ANKS1B: variants seen among roughly 807,000 people sequenced by gnomAD.
ANKS1B encodes the protein ankyrin repeat and sterile alpha motif domain-containing protein 1B.
A neutral mutation model predicts 148.3 loss-of-function variants in ANKS1B; 36 were observed. The ratio of observed to expected loss-of-function variants is 0.24; its 90% CI spans 0.19 to 0.32. The LOEUF (loss-of-function observed/expected upper bound fraction) is 0.32. ANKS1B is among the 10% of genes least tolerant of loss of function. ANKS1B has a pLI of 1.00. For missense variants in ANKS1B, 1,157 were observed against 1,542.6 expected (o/e 0.75, Z 4.19); for synonymous variants, 542 against 560.8 (o/e 0.97, Z 0.47).
At chr12:99,022,859 T>C (rs2153442312) in intron 17 of ANKS1B, among the ~76,000 whole-genome samples, 1 of 152,212 alleles carries the variant, frequency 6.6e-6, no homozygotes, top group Admixed American at 6.6e-5. Context: ...AAGTAGGTTT[T>C]TCATACATAA....
chr12:98,772,549 C>T (rs1256461407), intron 25 of ANKS1B, among the ~76,000 whole-genome samples: 1 of 152,146 alleles, frequency 6.6e-6, no homozygotes, highest in African/African-American at 2.4e-5. Flanking sequence ...TGGCGGCAGG[C>T]AAGAGAGAGC....
chr12:98,965,517 A>G (rs1052934041), intron 17 of ANKS1B, among the ~76,000 whole-genome samples: 2 of 152,134 alleles, frequency 1.3e-5, no homozygotes, highest in Non-Finnish European at 2.9e-5. Flanking sequence ...ATGCTTTTTA[A>G]TCTAGTCTGA....
At chr12:99,491,915 T>C (rs1238753714) in intron 10 of ANKS1B, among the ~76,000 whole-genome samples, 1 of 152,078 alleles carries the variant, frequency 6.6e-6, no homozygotes, top group African/African-American at 2.4e-5. Flanking sequence ...AAGGCAGTGT[T>C]AAGAGGGAAA....
intron 14 of ANKS1B, among the ~76,000 whole-genome samples, chr12:99,188,258 A>G (rs2153875802): frequency 6.6e-6 from 1 of 152,276 alleles, no homozygotes; most frequent in East Asian, 1.9e-4. Flanking sequence ...AGACTTTAAC[A>G]CCCCACTGTC....
intron 17 of ANKS1B, among the ~76,000 whole-genome samples, chr12:98,834,919 T>C (rs7310604): frequency 0.32 from 48,067 of 151,924 alleles, 8,479 homozygotes; most frequent in Non-Finnish European, 0.39. Flanking sequence ...TATTTTCTAA[T>C]TCTCTTTTAT....
intron 17 of ANKS1B, among the ~76,000 whole-genome samples, chr12:98,971,679 A>G (rs964558421): frequency 2.0e-5 from 3 of 152,114 alleles, no homozygotes; most frequent in African/African-American, 7.2e-5. Flanking sequence ...ATCTGCTTTT[A>G]AATATAGAGG....
At chr12:99,703,344 C>T (rs1011032821) in intron 8 of ANKS1B, among the ~76,000 whole-genome samples, 8 of 152,042 alleles carry the variant, frequency 5.3e-5, no homozygotes, top group Non-Finnish European at 1.0e-4. Context: ...GTAAATGAAA[C>T]ATCATGTCTA....
chr12:99,515,734 T>A (rs183896464), intron 9 of ANKS1B, among the ~76,000 whole-genome samples: 2 of 152,222 alleles, frequency 1.3e-5, no homozygotes, highest in East Asian at 3.9e-4. Context: ...GCTCCCTTTT[T>A]AGTTTTTTGA....
intron 17 of ANKS1B, among the ~76,000 whole-genome samples, chr12:98,842,285 A>G (rs769781958): frequency 6.6e-6 from 1 of 152,200 alleles, no homozygotes; most frequent in Non-Finnish European, 1.5e-5. Context: ...GCATCAACAG[A>G]CCTCAAAAAC....
intron 9 of ANKS1B, among the ~76,000 whole-genome samples, chr12:99,529,319 A>T (rs931165123): frequency 6.6e-6 from 1 of 152,168 alleles, no homozygotes; most frequent in Non-Finnish European, 1.5e-5. Flanking sequence ...TGAACCATTT[A>T]TCTTTCTCTT....
Position 99,523,237 on chromosome 12 carries a change from G to A in ANKS1B, c.1273-18596C>T, listed in dbSNP as rs151261446. 2.5e-3 allele frequency among the ~76,000 whole-genome samples: 379 copies of A among 152,234 alleles called. 5 individuals are homozygous for A. The highest frequency in any genetic ancestry group is 2.7e-3 in the Non-Finnish European group (183 of 68,010). On this transcript the variant is annotated intron_variant, in intron 9 of 26. Coordinates refer to ENST00000683438, the MANE Select transcript of ANKS1B (RefSeq NM_001352186.2). ...AGGAGAGGCAAAGACCAAATGGACC[G>A]TTTTCTGTGAACATAAGTGAGGAAA... is the stretch of plus-strand genomic sequence containing the variant.
intron 15 of ANKS1B, among the ~76,000 whole-genome samples, chr12:99,088,136 G>A (rs1283946950): frequency 6.6e-6 from 1 of 152,148 alleles, no homozygotes; most frequent in East Asian, 1.9e-4. Context: ...CACTAATTGG[G>A]AAATGGAAAG....
intron 15 of ANKS1B, chr12:99,096,980 C>T (rs2056394105): frequency 1.3e-5 from 2 of 152,160 alleles, no homozygotes; most frequent in Admixed American, 6.5e-5. Context: ...TTTCTTTCTA[C>T]TTGGTATTAT....
chr12:99,250,364 A>C (rs2074423375), intron 12 of ANKS1B, among the ~76,000 whole-genome samples: 1 of 152,206 alleles, frequency 6.6e-6, no homozygotes, highest in Middle Eastern at 3.2e-3. Context: ...TATCTCTAGG[A>C]ATTAGCTAGC....
intron 9 of ANKS1B, among the ~76,000 whole-genome samples, chr12:98,736,090 C>T (rs1263843358): frequency 1.3e-5 from 2 of 152,112 alleles, no homozygotes; most frequent in African/African-American, 4.8e-5. Flanking sequence ...ATTGGGGTAG[C>T]ACCGGAGGCT....
intron 1 of ANKS1B, among the ~76,000 whole-genome samples, chr12:99,909,394 C>T (rs1223911844): frequency 4.6e-5 from 7 of 152,212 alleles, no homozygotes; most frequent in East Asian, 1.9e-4. Context: ...ACTTCATTTC[C>T]GTTGGATACA....
At chr12:99,212,016 G>A (rs1467693758) in intron 14 of ANKS1B, among the ~76,000 whole-genome samples, 1 of 152,166 alleles carries the variant, frequency 6.6e-6, no homozygotes, top group East Asian at 1.9e-4. Context: ...AAAGTACAAT[G>A]TAGAGCACTG....
intron 3 of ANKS1B, among the ~76,000 whole-genome samples, chr12:99,810,590 G>T (rs1422202469): frequency 6.6e-6 from 1 of 151,826 alleles, no homozygotes; most frequent in South Asian, 2.1e-4. Context: ...AATAGAAACC[G>T]CAACACAAAG....
In ANKS1B at chr12:98,800,681, T is replaced by TATATATATATATAC. The variant is rs1454726143; in HGVS notation, c.3270+315_3270+316insGTATATATATATAT. ...TGTTTGGTGAGTGAGCAGAGATATA[T>TATATATATATATAC]ATATATATATGCCATATTTACACTC... On this transcript the variant is annotated intron_variant, in intron 21 of 26. Transcript: ENST00000683438. 2.0e-5 allele frequency among the ~76,000 whole-genome samples: 3 copies of TATATATATATATAC among 146,970 alleles called. 1 individual carries two copies. The highest frequency in any genetic ancestry group is 7.8e-5 in the African/African-American group (3 of 38,602).
Sources: gnomAD v4.1 joint callset for allele counts (sites outside exome capture counted in the v4.1 genomes callset) on GRCh38, gnomAD v4.1.1 for gene constraint, MANE v1.5 for transcripts, NCBI Gene and HGNC (gene_info 2026-07-23, HGNC 2026-07-21) for gene names.